APBA2: variants seen among roughly 807,000 people sequenced by gnomAD.
The protein encoded by APBA2 is amyloid beta precursor protein binding family A member 2.
A neutral mutation model predicts 75.0 loss-of-function variants in APBA2; 30 were observed. The ratio of observed to expected loss-of-function variants is 0.40; its 90% CI spans 0.30 to 0.54. APBA2 has a LOEUF of 0.54. APBA2 is among the 20% of genes least tolerant of loss of function. The pLI is 0.49. For synonymous variants in APBA2, 444 were observed against 409.6 expected (o/e 1.08, Z -1.01); for missense variants, 801 against 1,016.1 (o/e 0.79, Z 2.88).
chr15:28,924,804 G>A (rs1452807142), intron 2 of APBA2, among the ~76,000 whole-genome samples: 14 of 152,112 alleles, frequency 9.2e-5, no homozygotes, highest in African/African-American at 3.4e-4. Flanking sequence ...GTTCTGTGGT[G>A]ACTCTGTTTC....
In APBA2 at chr15:29,087,400, C is replaced by G. The variant is rs200694258; in HGVS notation, c.1070-5675C>G. ...CTTCCCTGACTCTCTGTTGTGGCTT[C>G]TCTTCCTCCCAGCATCCAGTGACTT... On this transcript the variant is annotated intron_variant, in intron 6 of 14. Coordinates refer to ENST00000683413, the MANE Select transcript of APBA2 (RefSeq NM_001353788.2). 2.0e-5 allele frequency among the ~76,000 whole-genome samples: 3 copies of G among 152,320 alleles called. No homozygotes were observed. The East Asian group carries it at 5.8e-4, about 29-fold the overall frequency.
chr15:29,091,338 G>A (rs752333188), intron 6 of APBA2, among the ~76,000 whole-genome samples: 4 of 152,116 alleles, frequency 2.6e-5, no homozygotes, highest in African/African-American at 7.2e-5. Flanking sequence ...CCAGGGGCAC[G>A]CAGACCCACT....
intron 2 of APBA2, among the ~76,000 whole-genome samples, chr15:28,925,115 T>C (rs1030003258): frequency 3.3e-5 from 5 of 152,328 alleles, no homozygotes; most frequent in African/African-American, 1.2e-4. Flanking sequence ...AGATGCTTTT[T>C]CTGCATCAAT....
At chr15:28,951,188 T>A (rs1472731619) in intron 2 of APBA2, among the ~76,000 whole-genome samples, 2 of 152,226 alleles carry the variant, frequency 1.3e-5, no homozygotes, top group Non-Finnish European at 2.9e-5. Context: ...GTATTATAAA[T>A]AATCTAGAAA....
At chr15:28,905,818 C>T (rs1467430630) in intron 1 of APBA2, among the ~76,000 whole-genome samples, 2 of 152,054 alleles carry the variant, frequency 1.3e-5, no homozygotes, top group Non-Finnish European at 2.9e-5. Flanking sequence ...TGGGGGCTGG[C>T]GTCTAACATG....
intron 3 of APBA2, among the ~76,000 whole-genome samples, chr15:29,010,403 C>T (rs1194929663): frequency 2.0e-5 from 3 of 152,030 alleles, no homozygotes; most frequent in Admixed American, 6.6e-5. Flanking sequence ...GGACTACAGG[C>T]GCCCGCCACC....
At chr15:28,950,167 T>G (rs766905847) in intron 2 of APBA2, among the ~76,000 whole-genome samples, 1 of 152,200 alleles carries the variant, frequency 6.6e-6, no homozygotes, top group Non-Finnish European at 1.5e-5. Flanking sequence ...TCTGCTGTTC[T>G]TCTCATGGTT....
intron 1 of APBA2, among the ~76,000 whole-genome samples, chr15:28,904,714 C>T (rs939057000): frequency 2.0e-4 from 30 of 152,058 alleles, no homozygotes; most frequent in Admixed American, 4.6e-4. Flanking sequence ...CAGCAAACAG[C>T]GTTGCAGCAC....
chr15:29,079,395 G>T (rs961476165), intron 6 of APBA2, among the ~76,000 whole-genome samples: 1 of 152,194 alleles, frequency 6.6e-6, no homozygotes, highest in Non-Finnish European at 1.5e-5. Context: ...CCCATGTCTA[G>T]CTGAGCCTTA....
intron 2 of APBA2, among the ~76,000 whole-genome samples, chr15:28,982,704 G>A (rs1057387409): frequency 6.6e-6 from 1 of 152,328 alleles, no homozygotes. Flanking sequence ...GCAGCAATTT[G>A]TCATGACAAA....
intron 1 of APBA2, among the ~76,000 whole-genome samples, chr15:28,898,958 A>G (rs1483197670): frequency 6.6e-6 from 1 of 152,274 alleles, no homozygotes; most frequent in Non-Finnish European, 1.5e-5. Context: ...TGGATAAGTT[A>G]TCTGCAGGAA....
In APBA2 at chr15:29,054,246, A is replaced by C; in HGVS notation, c.362A>C (p.Tyr121Ser). ...LEGMDCNGEE[Y>S]LAHSAHPVDT... ...GGCATGGACTGCAACGGGGAGGAGT[A>C]CCTGGCCCACAGTGCACACCCTGTG... is the stretch of plus-strand genomic sequence containing the variant. The change falls in exon 4 of 15, where the codon TAC (tyrosine) becomes TCC (serine). Residue 121 changes from tyrosine (Y) to serine (S), a missense_variant. Physicochemically the swap from Tyr to Ser is moderately radical, Grantham distance 144 (BLOSUM62 -2). Coordinates refer to ENST00000683413, the MANE Select transcript of APBA2 (RefSeq NM_001353788.2). This position sits in a 1 kb window ranked among gnomAD's most constrained non-coding sequence, Gnocchi z 6.1. 1 of 1,614,112 alleles carries C rather than the reference A, an allele frequency of 6.2e-7. No individual in the cohort carries two copies. The highest frequency in any genetic ancestry group is 1.1e-5 in the South Asian group (1 of 91,080).
At chr15:29,116,758 CTG>C (rs2045195306) in intron 14 of APBA2, among the ~76,000 whole-genome samples, 2 of 152,200 alleles carry the variant, frequency 1.3e-5, no homozygotes, top group African/African-American at 2.4e-5. Context: ...GATGGGCAAA[CTG>C]TTGTCACCAC....
At chr15:29,034,454 C>A (rs910063002) in intron 3 of APBA2, among the ~76,000 whole-genome samples, 9 of 152,314 alleles carry the variant, frequency 5.9e-5, no homozygotes, top group African/African-American at 2.2e-4. Flanking sequence ...CAGCCAAGTT[C>A]TTTATTACAC....
At chr15:28,954,758 C>T (rs1241247161) in intron 2 of APBA2, among the ~76,000 whole-genome samples, 1 of 152,198 alleles carries the variant, frequency 6.6e-6, no homozygotes, top group African/African-American at 2.4e-5. Flanking sequence ...GCACTCTGGC[C>T]TCTCACCTGC....
chr15:29,094,900 CT>C (rs60744239), intron 8 of APBA2, among the ~76,000 whole-genome samples: 2,996 of 146,080 alleles, frequency 0.021, 57 homozygotes, highest in African/African-American at 0.047. Flanking sequence ...GTCTCCACAA[CT>C]TTTTTTTTTT....
At chr15:28,911,726 C>G (rs189864850) in intron 1 of APBA2, among the ~76,000 whole-genome samples, 198 of 152,324 alleles carry the variant, frequency 1.3e-3, no homozygotes, top group African/African-American at 4.7e-3. Context: ...GACAGTCCCC[C>G]CTTGGCTGTG....
chr15:29,068,742 T>G (rs1158260804), intron 4 of APBA2, among the ~76,000 whole-genome samples: 3 of 152,164 alleles, frequency 2.0e-5, no homozygotes, highest in Non-Finnish European at 2.9e-5. Context: ...GAGGGTTAGC[T>G]CAGTACAAGC....
intron 2 of APBA2, among the ~76,000 whole-genome samples, chr15:28,979,333 G>A (rs2037504038): frequency 1.3e-5 from 2 of 152,230 alleles, no homozygotes; most frequent in Admixed American, 6.5e-5. Flanking sequence ...CTCCTGTCAT[G>A]TGAGAACAAA....
Sources: gnomAD v4.1 joint callset for allele counts (sites outside exome capture counted in the v4.1 genomes callset) on GRCh38, gnomAD v4.1.1 for gene constraint, Gnocchi (gnomAD v3.1) non-coding constraint, MANE v1.5 for transcripts, NCBI Gene and HGNC (gene_info 2026-07-23, HGNC 2026-07-21) for gene names.